TOP6BL: variants seen among roughly 807,000 people sequenced by gnomAD.
TOP6BL encodes TOP6B like initiator of meiotic double strand breaks, also known as type 2 DNA topoisomerase 6 subunit B-like.
At chr11:66,843,075 T>G in the TOP6BL span, 1 of 1,578,462 alleles carries the variant, frequency 6.3e-7, no homozygotes, top group South Asian at 1.1e-5. Flanking sequence ...TGGAGGTAAC[T>G]GGGCGAGGGC....
the TOP6BL span, among the ~76,000 whole-genome samples, chr11:66,748,059 A>G: frequency 6.6e-6 from 1 of 152,198 alleles, no homozygotes; most frequent in Admixed American, 6.5e-5. Context: ...AGAAACAAGA[A>G]AAACAAACTC....
chr11:66,757,846 TCAA>T, the TOP6BL span, among the ~76,000 whole-genome samples: 1 of 152,148 alleles, frequency 6.6e-6, no homozygotes, highest in Admixed American at 6.6e-5. Flanking sequence ...CCTCAGCTTC[TCAA>T]AGTGCTGGGA....
At chr11:66,817,714 G>A in the TOP6BL span, among the ~76,000 whole-genome samples, 1 of 152,064 alleles carries the variant, frequency 6.6e-6, no homozygotes, top group East Asian at 1.9e-4. Flanking sequence ...TGGGATTACA[G>A]GTGTGAGCCA....
At chr11:66,776,410 T>A in the TOP6BL span, among the ~76,000 whole-genome samples, 5 of 152,152 alleles carry the variant, frequency 3.3e-5, no homozygotes, top group African/African-American at 1.2e-4. Context: ...ATAGTACTAG[T>A]ATTAAATAGA....
chr11:66,770,070 G>A, the TOP6BL span, among the ~76,000 whole-genome samples: 4 of 151,958 alleles, frequency 2.6e-5, no homozygotes, highest in South Asian at 8.3e-4. Context: ...TATAAGAAGA[G>A]GAAGGGAGAG....
At chr11:66,804,259 A>T in the TOP6BL span, 45 of 1,225,266 alleles carry the variant, frequency 3.7e-5, no homozygotes, top group Admixed American at 1.0e-3. Context: ...GTTTTAGGAA[A>T]GCCTTTAGTA....
At chr11:66,784,417 C>T in the TOP6BL span, among the ~76,000 whole-genome samples, 1 of 152,214 alleles carries the variant, frequency 6.6e-6, no homozygotes, top group Non-Finnish European at 1.5e-5. Flanking sequence ...CCGCCTTGGC[C>T]TCCCAAAGTG....
the TOP6BL span, among the ~76,000 whole-genome samples, chr11:66,748,970 C>T: frequency 6.6e-6 from 1 of 150,696 alleles, no homozygotes; most frequent in South Asian, 2.1e-4. Flanking sequence ...ATCATTTTTG[C>T]CTGTTGTCTT....
At chr11:66,762,836 ATACTC>A in the TOP6BL span, among the ~76,000 whole-genome samples, 95 of 152,334 alleles carry the variant, frequency 6.2e-4, no homozygotes, top group African/African-American at 2.2e-3. Context: ...TACAAGATGA[ATACTC>A]TAAAGACACA....
chr11:66,759,043 T>C, the TOP6BL span: 1 of 1,562,028 alleles, frequency 6.4e-7, no homozygotes, highest in Non-Finnish European at 8.7e-7. Flanking sequence ...TTTCTTACAG[T>C]TGCTTCTGCA....
the TOP6BL span, among the ~76,000 whole-genome samples, chr11:66,754,497 C>T: frequency 6.6e-6 from 1 of 152,106 alleles, no homozygotes; most frequent in African/African-American, 2.4e-5. Flanking sequence ...AAGCTTTCTT[C>T]AAATATCTTA....
chr11:66,761,971 C>G, the TOP6BL span: 3 of 1,565,688 alleles, frequency 1.9e-6, no homozygotes, highest in Non-Finnish European at 2.6e-6. Context: ...TGCGAGGGTT[C>G]CTCCTCACCA....
At chr11:66,774,865 G>A in the TOP6BL span, among the ~76,000 whole-genome samples, 4 of 151,644 alleles carry the variant, frequency 2.6e-5, no homozygotes, top group Admixed American at 2.0e-4. Context: ...TGTAATCCCA[G>A]CACTTTGGGA....
chr11:66,788,408 G>GT, the TOP6BL span: 380 of 635,400 alleles, frequency 6.0e-4, 2 homozygotes, highest in Admixed American at 8.6e-3. Flanking sequence ...AAACTTGCCT[G>GT]TGCAGACATT....
At chr11:66,756,328 T>G in the TOP6BL span, 1 of 1,193,110 alleles carries the variant, frequency 8.4e-7, no homozygotes, top group South Asian at 1.5e-5. Flanking sequence ...GTTAACCCCC[T>G]TTTCCCCCCT....
the TOP6BL span, among the ~76,000 whole-genome samples, chr11:66,794,217 G>A: frequency 1.3e-5 from 2 of 150,996 alleles, no homozygotes; most frequent in African/African-American, 4.9e-5. Context: ...TGACATCTGG[G>A]ACCATTTTTT....
chr11:66,838,270 C>G, the TOP6BL span: 2 of 1,004,064 alleles, frequency 2.0e-6, no homozygotes, highest in East Asian at 5.0e-5. Context: ...GGGCAGATAA[C>G]CTTGTGAGGT....
the TOP6BL span, among the ~76,000 whole-genome samples, chr11:66,784,747 T>G: frequency 1.3e-5 from 2 of 152,150 alleles, no homozygotes; most frequent in Non-Finnish European, 1.5e-5. Flanking sequence ...TACTCCCCAT[T>G]TGGTTAAGCC....
chr11:66,764,241 A>G, the TOP6BL span, among the ~76,000 whole-genome samples: 1 of 152,110 alleles, frequency 6.6e-6, no homozygotes, highest in African/African-American at 2.4e-5. Context: ...AAAACATCTA[A>G]TTATTTATAA....
Sources: gnomAD v4.1 joint callset for allele counts (sites outside exome capture counted in the v4.1 genomes callset) on GRCh38, gnomAD v4.1.1 for gene constraint, MANE v1.5 for transcripts, NCBI Gene and HGNC (gene_info 2026-07-23, HGNC 2026-07-21) for gene names.